The following SLC1A7 variants were observed in gnomAD, a reference collection of about 807,000 sequenced individuals.
SLC1A7 encodes excitatory amino acid transporter 5.
In SLC1A7, 40 loss-of-function variants were observed where a neutral mutation model predicts 47.7. The observed-to-expected ratio is 0.84, with a 90% CI of 0.65 to 1.09. SLC1A7 has a LOEUF of 1.09. SLC1A7 is among the 50% of genes least tolerant of loss of function. The pLI is 0.00. For missense variants in SLC1A7, 746 were observed against 769.5 expected (o/e 0.97, Z 0.36); for synonymous variants, 323 against 325.6 (o/e 0.99, Z 0.09).
chr1:53,112,795 G>A (rs1644713901), intron 3 of SLC1A7, among the ~76,000 whole-genome samples: 1 of 152,200 alleles, frequency 6.6e-6, no homozygotes, highest in Non-Finnish European at 1.5e-5. Flanking sequence ...CAGAGCCCTG[G>A]TCTAGGGGAT....
At chr1:53,105,824 GC>G in intron 3 of SLC1A7, 50 bp from the exon 4 acceptor site, 1 of 1,535,868 alleles carries the variant, frequency 6.5e-7, no homozygotes, top group Non-Finnish European at 9.0e-7. Flanking sequence ...GGACAGGAGG[GC>G]CCTGGGGGTT....
At position 53,093,478 on chromosome 1, in the gene SLC1A7, G is replaced by T. The variant is rs375544818; in HGVS notation, c.780C>A (p.Ile260=). ...AGGCTTACCACACAGCCACCGCCAC[G>T]ATCTTCATGACCGACTCATTGAGGC... ...CQCLNESVMK[I]VAVAVWYFPF... Residue 260 remains isoleucine (I), a synonymous_variant, in exon 6 of 11, where the codon ATC becomes ATA. Coordinates refer to ENST00000371494, the MANE Select transcript of SLC1A7 (RefSeq NM_006671.6). The T allele has an allele frequency of 1.2e-6, 2 of 1,610,658 alleles. No individual in the cohort carries two copies. The highest frequency in any genetic ancestry group is 1.3e-5 in the African/African-American group (1 of 74,898).
intron 2 of SLC1A7, 104 bp from the exon 3 acceptor site, chr1:53,115,077 G>T: frequency 1.2e-6 from 1 of 819,330 alleles, no homozygotes; most frequent in Non-Finnish European, 2.0e-6. Context: ...GCCTCACAGT[G>T]CTCCAGGGAA....
At chr1:53,129,125 G>A (rs1444100152) in intron 2 of SLC1A7, among the ~76,000 whole-genome samples, 1 of 137,454 alleles carries the variant, frequency 7.3e-6, no homozygotes, top group Non-Finnish European at 1.6e-5. Flanking sequence ...ATTGCAGTGA[G>A]CTGAGATCAT....
intron 3 of SLC1A7, among the ~76,000 whole-genome samples, chr1:53,109,138 C>T (rs1644676017): frequency 6.6e-6 from 1 of 152,084 alleles, no homozygotes; most frequent in Non-Finnish European, 1.5e-5. Context: ...GTCCACCTCT[C>T]AGCTCCCCTC....
At chr1:53,114,666 CCA>C in intron 3 of SLC1A7, 90 bp downstream of exon 3, 1 of 1,065,894 alleles carries the variant, frequency 9.4e-7, no homozygotes, top group Non-Finnish European at 1.4e-6. Flanking sequence ...GTGATCACCC[CCA>C]TCTCCACACC....
chr1:53,135,886 T>G (rs542313525), intron 1 of SLC1A7, among the ~76,000 whole-genome samples: 1 of 152,086 alleles, frequency 6.6e-6, no homozygotes, highest in East Asian at 1.9e-4. Context: ...TGCAACTATT[T>G]TTTTTTAACC....
At position 53,092,633 on chromosome 1, in the gene SLC1A7, A is replaced by G; in HGVS notation, c.952T>C (p.Phe318Leu). The G allele has an allele frequency of 6.8e-6, 11 of 1,614,170 alleles. No individual in the cohort carries two copies. Among genetic ancestry groups the G allele is most frequent in the Non-Finnish European group, 9.3e-6 (11 of 1,180,010 alleles). The change falls in exon 7 of 11, where the codon TTC becomes CTC. Residue 318 changes from phenylalanine (F) to leucine (L), a missense_variant. By Grantham distance (22) the Phe-to-Leu change is conservative. Transcript: ENST00000371494. The stretch of plus-strand genomic sequence containing the variant: ...ACGATGGGATTCTTCTTGGTGATGA[A>G]GAAGTAGAGCAGGGGCAGGATAAAG... ...GLFILPLLYF[F>L]ITKKNPIVFI... is the part of the protein sequence containing the mutation.
chr1:53,108,785 T>C lies in SLC1A7; in HGVS notation c.432-3011A>G, dbSNP rs145378405. 8.8e-3 allele frequency among the ~76,000 whole-genome samples: 1,335 copies of C among 152,354 alleles called. 8 individuals carry two copies. Among genetic ancestry groups the C allele is most frequent in the Non-Finnish European group, 0.01 (710 of 68,036 alleles). On this transcript the variant is annotated intron_variant, in intron 3 of 10. Coordinates refer to ENST00000371494, the MANE Select transcript of SLC1A7 (RefSeq NM_006671.6). ...AGCTGCCCACCTCCCACTTCTGGAC[T>C]GTTCTTCAGGAACAAATGCAAACCT...
Position 53,089,945 on chromosome 1 carries a change from TG to T in SLC1A7, c.1227-12del, listed in dbSNP as rs1403676639. 6.2e-7 allele frequency: 1 copy of T among 1,607,964 alleles called. No individual in the cohort carries two copies. Among genetic ancestry groups the T allele is most frequent in the African/African-American group, 1.4e-5 (1 of 73,540 alleles). On this transcript the variant is annotated splice_polypyrimidine_tract_variant and intron_variant, in intron 8 of 10. Coordinates refer to ENST00000371494, the MANE Select transcript of SLC1A7 (RefSeq NM_006671.6). ...GCAGTGGCTGTGATACTGCAGGGGGTGGGAAGGGGAAGAGGAGCAGCAGGAG... is the reference window on the plus strand; with the variant it reads ...GCAGTGGCTGTGATACTGCAGGGGGTGGAAGGGGAAGAGGAGCAGCAGGAG...
chr1:53,090,719 A>G lies in SLC1A7; in HGVS notation c.1119T>C (p.Gly373=), dbSNP rs1644411287. Residue 373 remains glycine (G), a synonymous_variant, in exon 8 of 11, where the codon GGT becomes GGC. Transcript: ENST00000371494. The part of the protein sequence containing the change: ...RRIARFVLPV[G]ATINMDGTAL... ...CAGTGCCGTCCATGTTGATGGTGGCACCCACGGGCAGCACGAAGCGAGCGA... is the reference window on the plus strand; with the variant it reads ...CAGTGCCGTCCATGTTGATGGTGGCGCCCACGGGCAGCACGAAGCGAGCGA... The G allele has an allele frequency of 6.1e-5, 99 of 1,613,576 alleles. No individual in the cohort carries two copies. The highest frequency in any genetic ancestry group is 3.1e-4 in the African/African-American group (23 of 74,886).
Position 53,092,051 on chromosome 1 carries a change from G to A in SLC1A7, c.1031+503C>T, listed in dbSNP as rs186341735. 4.8e-4 allele frequency among the ~76,000 whole-genome samples: 73 copies of A among 152,344 alleles called. No individual in the cohort carries two copies. The East Asian group carries it at 0.013, about 27-fold the overall frequency. On this transcript the variant is annotated intron_variant, in intron 7 of 10. Transcript: ENST00000371494. The stretch of plus-strand genomic sequence containing the variant: ...TGGAAGCTGGAGTCTCCCCCAGTCT[G>A]TGCATGAGGAAAGCAATGCCCAGGC...
chr1:53,109,452 G>A (rs1165379772), intron 3 of SLC1A7, among the ~76,000 whole-genome samples: 3 of 152,174 alleles, frequency 2.0e-5, no homozygotes, highest in South Asian at 2.1e-4. Context: ...GCGGCCCCCC[G>A]GAGCCCTGGA....
At chr1:53,107,153 TAAAAAAAAAAAA>T (rs11417607) in intron 3 of SLC1A7, among the ~76,000 whole-genome samples, 4 of 24,334 alleles carry the variant, frequency 1.6e-4, no homozygotes, top group Non-Finnish European at 4.0e-4. Context: ...AGACTCTGAC[TAAAAAAAAAAAA>T]AAAAAAAAAA....
intron 5 of SLC1A7, among the ~76,000 whole-genome samples, chr1:53,096,858 C>G (rs114135178): frequency 1.3e-5 from 2 of 151,622 alleles, no homozygotes; most frequent in Non-Finnish European, 2.9e-5. Context: ...TGCCTCAGTA[C>G]GCTCACTTTG....
chr1:53,117,258 G>T (rs777183401), intron 2 of SLC1A7, among the ~76,000 whole-genome samples: 1 of 152,200 alleles, frequency 6.6e-6, no homozygotes, highest in South Asian at 2.1e-4. Flanking sequence ...ATATCTGAGG[G>T]TTAGTGACAG....
At chr1:53,126,638 T>C (rs1041946428) in intron 2 of SLC1A7, among the ~76,000 whole-genome samples, 4 of 152,178 alleles carry the variant, frequency 2.6e-5, no homozygotes, top group Admixed American at 2.0e-4. Context: ...TGTGGCATAT[T>C]TGATTGCCCC....
chr1:53,120,095 G>A (rs1412365567), intron 2 of SLC1A7, among the ~76,000 whole-genome samples: 2 of 152,210 alleles, frequency 1.3e-5, no homozygotes, highest in African/African-American at 4.8e-5. Context: ...CGCAGAGGCA[G>A]TGGGAAGGCC....
At position 53,096,028 on chromosome 1, in the gene SLC1A7, A is replaced by G. The variant is rs1644484698; in HGVS notation, c.698-2468T>C. Among the ~76,000 whole-genome samples the G allele has an allele frequency of 3.4e-5, 5 of 145,206 alleles. No individual in the cohort carries two copies. In the South Asian group the frequency reaches 9.0e-4, roughly 26 times the overall value. On this transcript the variant is annotated intron_variant, in intron 5 of 10. Transcript: ENST00000371494. ...CAGTACACTCACTCCACCTCAGTAC[A>G]CTCACACAACTCGCCTCGGTACACT...
Sources: gnomAD v4.1 joint callset for allele counts (sites outside exome capture counted in the v4.1 genomes callset) on GRCh38, gnomAD v4.1.1 for gene constraint, MANE v1.5 for transcripts, NCBI Gene and HGNC (gene_info 2026-07-23, HGNC 2026-07-21) for gene names.